TRIM2: variants seen among roughly 807,000 people sequenced by gnomAD.
TRIM2 encodes tripartite motif containing 2.
Under a neutral mutation model 75.2 loss-of-function variants are expected in TRIM2, and 20 were observed. That is an observed-to-expected ratio of 0.27 (90% CI 0.19 to 0.39). The LOEUF is 0.39. TRIM2 is among the 10% of genes least tolerant of loss of function. The pLI, the probability that TRIM2 is intolerant of heterozygous loss-of-function variation, is 1.00. For synonymous variants in TRIM2, 373 were observed against 388.3 expected (o/e 0.96, Z 0.46); for missense variants, 660 against 990.8 (o/e 0.67, Z 4.48).
At chr4:153,187,561 G>T (rs910498470) in intron 1 of TRIM2, among the ~76,000 whole-genome samples, 3 of 152,186 alleles carry the variant, frequency 2.0e-5, no homozygotes, top group South Asian at 2.1e-4. Context: ...GAGGAAGAAG[G>T]CTGCGTTGAG....
At chr4:153,330,090 C>T (rs541326869) in intron 11 of TRIM2, among the ~76,000 whole-genome samples, 6 of 152,182 alleles carry the variant, frequency 3.9e-5, no homozygotes, top group Middle Eastern at 3.4e-3. Context: ...ATAGACAACT[C>T]CTCAAAAAAT....
rs368065626 is a variant in TRIM2 at position 153,295,610 on chromosome 4, C to T, written c.1084C>T (p.Leu362=). ...AGAGACAGTGGCCACGGGCGAGGGG[C>T]TGCGGCAGACCATCATCGGGCAGCC... is the stretch of plus-strand genomic sequence containing the variant. The part of the protein sequence containing the change: ...ASETVATGEG[L]RQTIIGQPMS... Residue 362 remains leucine (L), a synonymous_variant, in exon 6 of 12, where the codon CTG becomes TTG. Transcript: ENST00000338700. This position sits in a 1 kb window ranked among gnomAD's most constrained non-coding sequence, Gnocchi z 7.2. 3.7e-6 allele frequency: 6 copies of T among 1,613,844 alleles called. No individual in the cohort carries two copies. The African/African-American group carries it at 8.0e-5, about 22-fold the overall frequency.
chr4:153,211,347 A>C (rs1476202562), intron 1 of TRIM2, among the ~76,000 whole-genome samples: 1 of 152,196 alleles, frequency 6.6e-6, no homozygotes, highest in Non-Finnish European at 1.5e-5. Flanking sequence ...CCAGGCTTCC[A>C]AGGCTGGTTG....
At chr4:153,154,338 A>T (rs759405955) in intron 1 of TRIM2, among the ~76,000 whole-genome samples, 9 of 152,208 alleles carry the variant, frequency 5.9e-5, no homozygotes, top group Non-Finnish European at 1.2e-4. Context: ...GCTGATAGCC[A>T]ATGGAAGACC....
At chr4:153,319,379 G>A (rs1004827867) in intron 8 of TRIM2, among the ~76,000 whole-genome samples, 1 of 152,202 alleles carries the variant, frequency 6.6e-6, no homozygotes, top group Non-Finnish European at 1.5e-5. Flanking sequence ...TTCAATTTAA[G>A]GAACTATTTG....
chr4:153,315,794 A>G (rs771312180), intron 7 of TRIM2, 38 bp from the exon 8 acceptor site: 3 of 1,609,654 alleles, frequency 1.9e-6, no homozygotes, highest in South Asian at 1.1e-5. Flanking sequence ...CAATGCCTGT[A>G]CTAGTTCACA....
chr4:153,230,555 G>A (rs76127822), intron 1 of TRIM2, among the ~76,000 whole-genome samples: 7,540 of 152,250 alleles, frequency 0.05, 295 homozygotes, highest in Admixed American at 0.11. Context: ...CTTGTCTCAG[G>A]CATAACATAT....
At chr4:153,260,120 G>A (rs1173928140) in intron 1 of TRIM2, among the ~76,000 whole-genome samples, 2 of 152,170 alleles carry the variant, frequency 1.3e-5, no homozygotes, top group African/African-American at 4.8e-5. Context: ...TAGTTCTGTT[G>A]TGAAATAATT....
At chr4:153,316,475 A>C (rs1339453642) in intron 8 of TRIM2, among the ~76,000 whole-genome samples, 1 of 152,210 alleles carries the variant, frequency 6.6e-6, no homozygotes, top group Non-Finnish European at 1.5e-5. Context: ...TTTTGGAAAA[A>C]AGACTCAAAC....
intron 3 of TRIM2, 44 bp downstream of exon 3, chr4:153,276,174 T>C (rs201719217): frequency 6.5e-7 from 1 of 1,544,326 alleles, no homozygotes; most frequent in South Asian, 1.1e-5. Context: ...GCATGACTAC[T>C]GTGGCCTTGG....
chr4:153,277,684 TA>T (rs910382170), intron 3 of TRIM2, among the ~76,000 whole-genome samples: 1 of 152,212 alleles, frequency 6.6e-6, no homozygotes, highest in African/African-American at 2.4e-5. Context: ...GGGCACATTG[TA>T]AAAGCTAGCC....
intron 3 of TRIM2, among the ~76,000 whole-genome samples, chr4:153,291,346 G>A (rs1404498061): frequency 6.6e-6 from 1 of 152,102 alleles, no homozygotes; most frequent in African/African-American, 2.4e-5. Flanking sequence ...ATGGCTAAGA[G>A]CCTCCTCTCA....
At chr4:153,185,693 T>C (rs1425796162) in intron 1 of TRIM2, among the ~76,000 whole-genome samples, 1 of 152,140 alleles carries the variant, frequency 6.6e-6, no homozygotes, top group Non-Finnish European at 1.5e-5. Context: ...TGGGATAAAT[T>C]GTGCCCATCA....
At chr4:153,203,478 G>T (rs1349977340), upstream of TRIM2, among the ~76,000 whole-genome samples, 1 of 151,286 alleles carries the variant, frequency 6.6e-6, no homozygotes, top group Non-Finnish European at 1.5e-5. Context: ...TTGCTGACTT[G>T]GGCATACAAT....
At chr4:153,181,490 G>A (rs888786768) in intron 1 of TRIM2, among the ~76,000 whole-genome samples, 1 of 152,136 alleles carries the variant, frequency 6.6e-6, no homozygotes, top group African/African-American at 2.4e-5. Context: ...CCTTGCCCCA[G>A]GGGACAGGCC....
chr4:153,183,465 C>G (rs1449433784), intron 1 of TRIM2, among the ~76,000 whole-genome samples: 1 of 152,162 alleles, frequency 6.6e-6, no homozygotes, highest in Non-Finnish European at 1.5e-5. Context: ...GGCTCCAGCT[C>G]TGAGCACAGG....
intron 1 of TRIM2, among the ~76,000 whole-genome samples, chr4:153,191,052 TTC>T (rs1389860038): frequency 6.6e-6 from 1 of 152,244 alleles, no homozygotes; most frequent in Non-Finnish European, 1.5e-5. Flanking sequence ...GCTATTCTTT[TTC>T]TCTGTCTCTT....
At chr4:153,294,508 T>G in intron 5 of TRIM2, 23 bp downstream of exon 5, 1 of 1,608,122 alleles carries the variant, frequency 6.2e-7, no homozygotes. Context: ...TCATTACAGA[T>G]GTCCTGGAAG....
At chr4:153,216,643 C>A (rs554778676) in intron 1 of TRIM2, among the ~76,000 whole-genome samples, 1 of 152,140 alleles carries the variant, frequency 6.6e-6, no homozygotes, top group Non-Finnish European at 1.5e-5. Flanking sequence ...CTGAGGCTGG[C>A]GAATTTATAG....
Sources: gnomAD v4.1 joint callset for allele counts (sites outside exome capture counted in the v4.1 genomes callset) on GRCh38, gnomAD v4.1.1 for gene constraint, Gnocchi (gnomAD v3.1) non-coding constraint, MANE v1.5 for transcripts, NCBI Gene and HGNC (gene_info 2026-07-23, HGNC 2026-07-21) for gene names.